The following PAM variants were observed in gnomAD, a reference collection of about 807,000 sequenced individuals.
PAM encodes peptidylglycine alpha-amidating monooxygenase.
In PAM, 72 loss-of-function variants were observed where a neutral mutation model predicts 122.1. The ratio of observed to expected loss-of-function variants is 0.59; its 90% CI spans 0.49 to 0.72. PAM has a LOEUF of 0.72. PAM is among the 30% of genes least tolerant of loss of function. The pLI is 0.00. For missense variants in PAM, 1,106 were observed against 1,183.7 expected (o/e 0.93, Z 0.96); for synonymous variants, 389 against 404.4 (o/e 0.96, Z 0.46).
intron 3 of PAM, among the ~76,000 whole-genome samples, chr5:102,891,079 AT>A (rs1794654196): frequency 1.3e-5 from 2 of 151,938 alleles, no homozygotes; most frequent in South Asian, 4.1e-4. Context: ...AAATGACTCA[AT>A]GCTCTAGAGC....
chr5:102,912,237 C>T (rs1801618300), intron 4 of PAM, among the ~76,000 whole-genome samples: 1 of 151,834 alleles, frequency 6.6e-6, no homozygotes, highest in African/African-American at 2.4e-5. Context: ...TACATAGGTT[C>T]TGAAAAAGCA....
intron 4 of PAM, among the ~76,000 whole-genome samples, chr5:102,903,064 A>G (rs1798484976): frequency 6.6e-6 from 1 of 151,654 alleles, no homozygotes; most frequent in Non-Finnish European, 1.5e-5. Context: ...AAAGGTCTAT[A>G]TTAGAACCAG....
chr5:102,837,084 A>C (rs889541646), intron 1 of PAM, among the ~76,000 whole-genome samples: 1 of 152,196 alleles, frequency 6.6e-6, no homozygotes, highest in Non-Finnish European at 1.5e-5. Context: ...AGCCAATGGC[A>C]TGCTTTTACC....
rs376133594 is a variant in PAM, at chr5:103,017,362, C to G, written c.2360C>G (p.Ala787Gly). Residue 787 changes from alanine (A) to glycine (G), a missense_variant, in exon 22 of 26, where the codon GCA becomes GGA. By Grantham distance (60) the Ala-to-Gly change is moderately conservative. Around this residue, in one of 3 missense-constraint regions of PAM, gnomAD observed 333 missense variants for 335.6 expected, o/e 0.99. Coordinates refer to ENST00000438793, the MANE Select transcript of PAM (RefSeq NM_001177306.2). ...TTTGATATGCCTCATGATATTGTTG[C>G]ATCTGAAGATGGGACTGTGTACATT... ...KHFDMPHDIV[A>G]SEDGTVYIGD... 5.0e-6 allele frequency: 8 copies of G among 1,611,088 alleles called. No individual in the cohort carries two copies. The African/African-American group carries it at 1.1e-4, about 22-fold the overall frequency.
chr5:102,758,108 T>G (rs11959144), intron 1 of PAM, among the ~76,000 whole-genome samples: 3,391 of 112,422 alleles, frequency 0.03, 78 homozygotes, highest in East Asian at 0.15. Flanking sequence ...TTTTTTTTTT[T>G]CTTGGGGCAA....
In PAM at chr5:102,866,293, T is replaced by A. The variant is rs1400269402; in HGVS notation, c.89+9T>A. ...CTTTCTGTCTTTAAGAGGTGGGTGT[T>A]CGTTGTTCGGGTGCTTTCTGTGCAT... On this transcript the variant is annotated intron_variant, in intron 2 of 25. Coordinates refer to ENST00000438793, the MANE Select transcript of PAM (RefSeq NM_001177306.2). 6.3e-7 allele frequency: 1 copy of A among 1,581,528 alleles called. No individual in the cohort carries two copies. The highest frequency in any genetic ancestry group is 8.7e-7 in the Non-Finnish European group (1 of 1,150,614).
chr5:102,874,619 T>A (rs764460481), intron 3 of PAM, among the ~76,000 whole-genome samples: 13 of 151,932 alleles, frequency 8.6e-5, no homozygotes, highest in Non-Finnish European at 1.9e-4. Context: ...TTATTTTCAA[T>A]CAATTTTGAG....
At chr5:102,882,435 G>T (rs1207264010) in intron 3 of PAM, among the ~76,000 whole-genome samples, 1 of 151,712 alleles carries the variant, frequency 6.6e-6, no homozygotes, top group Non-Finnish European at 1.5e-5. Context: ...GAGTAAGGTG[G>T]TATCACATTG....
intron 1 of PAM, among the ~76,000 whole-genome samples, chr5:102,778,262 A>G (rs1008147078): frequency 6.6e-6 from 1 of 152,078 alleles, no homozygotes; most frequent in Non-Finnish European, 1.5e-5. Flanking sequence ...CTATACTTGT[A>G]TTTATATGTT....
At chr5:102,813,285 G>A (rs934988389) in intron 1 of PAM, among the ~76,000 whole-genome samples, 3 of 152,186 alleles carry the variant, frequency 2.0e-5, no homozygotes, top group African/African-American at 7.2e-5. Context: ...GTCAGTGGGC[G>A]TGGATAAAAT....
chr5:102,900,254 T>TGTGTG (rs777616737), intron 3 of PAM, among the ~76,000 whole-genome samples: 6 of 26,976 alleles, frequency 2.2e-4, no homozygotes, highest in African/African-American at 1.0e-3. Flanking sequence ...TGTGTGTGTG[T>TGTGTG]GGGGGGGGGG....
At chr5:102,768,230 T>C (rs1023981428) in intron 1 of PAM, among the ~76,000 whole-genome samples, 4 of 152,128 alleles carry the variant, frequency 2.6e-5, no homozygotes, top group African/African-American at 9.7e-5. Context: ...TGTGGATAAC[T>C]AGTAGGTATA....
chr5:103,000,851 A>G (rs184276267), intron 16 of PAM, among the ~76,000 whole-genome samples: 87 of 152,330 alleles, frequency 5.7e-4, no homozygotes, highest in African/African-American at 2.1e-3. Flanking sequence ...CTTTCCACCA[A>G]GTCCCTCCCA....
At chr5:102,999,029 C>G (rs1250905147) in intron 16 of PAM, among the ~76,000 whole-genome samples, 1 of 152,284 alleles carries the variant, frequency 6.6e-6, no homozygotes, top group Non-Finnish European at 1.5e-5. Context: ...ACGTCCTTCA[C>G]ATGATGGCAG....
intron 3 of PAM, among the ~76,000 whole-genome samples, chr5:102,898,306 G>A (rs1227291142): frequency 6.6e-6 from 1 of 151,458 alleles, no homozygotes; most frequent in Non-Finnish European, 1.5e-5. Flanking sequence ...GTATTTTACA[G>A]ACAGTCCCCT....
intron 1 of PAM, among the ~76,000 whole-genome samples, chr5:102,840,422 A>G (rs1164576537): frequency 6.6e-6 from 1 of 152,192 alleles, no homozygotes; most frequent in Non-Finnish European, 1.5e-5. Context: ...TCTTACAGCA[A>G]TGATAATTTG....
intron 3 of PAM, among the ~76,000 whole-genome samples, chr5:102,872,213 C>G (rs767380401): frequency 7.4e-4 from 113 of 152,108 alleles, no homozygotes; most frequent in Non-Finnish European, 1.3e-3. Flanking sequence ...CAGAAAGCAG[C>G]CTATCCCTGT....
At chr5:102,896,994 G>A (rs574815074) in intron 3 of PAM, among the ~76,000 whole-genome samples, 3 of 151,558 alleles carry the variant, frequency 2.0e-5, no homozygotes, top group African/African-American at 7.2e-5. Flanking sequence ...AAACACTTTG[G>A]GAGACAGCGA....
chr5:102,805,280 G>A (rs933083860), intron 1 of PAM, among the ~76,000 whole-genome samples: 13 of 151,942 alleles, frequency 8.6e-5, no homozygotes, highest in Admixed American at 2.0e-4. Flanking sequence ...ATATTGGCCA[G>A]GCTGGTCTTG....
Sources: gnomAD v4.1 joint callset for allele counts (sites outside exome capture counted in the v4.1 genomes callset) on GRCh38, gnomAD v4.1.1 for gene constraint, gnomAD v4.1.1 regional missense constraint, MANE v1.5 for transcripts, NCBI Gene and HGNC (gene_info 2026-07-23, HGNC 2026-07-21) for gene names.